SLC45A4: variants seen among roughly 807,000 people sequenced by gnomAD.
The protein encoded by SLC45A4 is solute carrier family 45 member 4.
In SLC45A4, 32 loss-of-function variants were observed where a neutral mutation model predicts 63.7. The observed-to-expected ratio is 0.50, with a 90% confidence interval of 0.38 to 0.67. The LOEUF (loss-of-function observed/expected upper bound fraction) is 0.67. Among genes scored for constraint, SLC45A4 ranks in the 30% least tolerant of loss-of-function variants. The pLI is 0.00. For missense variants in SLC45A4, 1,027 were observed against 1,157.7 expected (o/e 0.89, Z 1.64); for synonymous variants, 535 against 510.0 (o/e 1.05, Z -0.66).
chr8:141,261,063 G>C (rs1829022917), intron 1 of SLC45A4, among the ~76,000 whole-genome samples: 1 of 152,304 alleles, frequency 6.6e-6, no homozygotes, highest in African/African-American at 2.4e-5. Flanking sequence ...ATGCAAGGCT[G>C]GTTCAACACT....
chr8:141,263,821 A>C (rs986851901), intron 1 of SLC45A4, among the ~76,000 whole-genome samples: 4 of 151,880 alleles, frequency 2.6e-5, no homozygotes, highest in Non-Finnish European at 5.9e-5. Context: ...AGAGAAAGAA[A>C]GAAAATAAAT....
intron 1 of SLC45A4, among the ~76,000 whole-genome samples, chr8:141,261,882 T>A (rs1289784733): frequency 6.6e-6 from 1 of 152,204 alleles, no homozygotes; most frequent in Non-Finnish European, 1.5e-5. Flanking sequence ...ACTTTAAAGT[T>A]CATATGGAAC....
chr8:141,285,335 C>G (rs757159990), intron 1 of SLC45A4, among the ~76,000 whole-genome samples: 1 of 152,376 alleles, frequency 6.6e-6, no homozygotes, highest in South Asian at 2.1e-4. Flanking sequence ...TGCGCCATGA[C>G]GGGGCCTCGC....
In SLC45A4 at chr8:141,254,377, G is replaced by A; in HGVS notation, c.-148C>T. ...AACACTTACATTCCTCTTTGCACAA[G>A]TGGCTATCTCACAACTTCTCACAAC... is the stretch of plus-strand genomic sequence containing the variant. On this transcript the variant is annotated 5_prime_UTR_variant, in exon 2 of 9. Coordinates refer to ENST00000517878, the MANE Select transcript of SLC45A4 (RefSeq NM_001286646.2). The surrounding 1 kb of genome is among the most constrained non-coding windows in gnomAD (Gnocchi z 4.5). The A allele has an allele frequency of 1.1e-6, 1 of 943,196 alleles. No homozygotes were observed. 58.4% of individuals were successfully genotyped at this position (943,196 alleles called of 1,614,324 possible).
intron 2 of SLC45A4, among the ~76,000 whole-genome samples, chr8:141,246,086 T>C (rs190420635): frequency 6.6e-6 from 1 of 152,310 alleles, no homozygotes; most frequent in Admixed American, 6.5e-5. Context: ...CAATCTAAGG[T>C]TTCTGCTGCG....
In SLC45A4 at chr8:141,278,020, G is replaced by A. The variant is rs564953170; in HGVS notation, c.-400-23391C>T. Among the ~76,000 whole-genome samples the A allele has an allele frequency of 5.9e-5, 9 of 151,966 alleles. No individual in the cohort carries two copies. Among genetic ancestry groups the A allele is most frequent in the Admixed American group, 1.3e-4 (2 of 15,266 alleles). ...AATTCCTGGGCTCAAGCAATCCTCC[G>A]GCCTCAGCCTCCCAAGCAGCTGGGA... On this transcript the variant is annotated intron_variant, in intron 1 of 8. Transcript: ENST00000517878. The surrounding 1 kb of genome is among the most constrained non-coding windows in gnomAD (Gnocchi z 4.1).
intron 1 of SLC45A4, among the ~76,000 whole-genome samples, chr8:141,268,299 G>C (rs1016466858): frequency 6.6e-6 from 1 of 152,226 alleles, no homozygotes; most frequent in African/African-American, 2.4e-5. Context: ...GCGGTGACCA[G>C]GGCCTGGGGA....
At chr8:141,261,362 G>C (rs545379433) in intron 1 of SLC45A4, among the ~76,000 whole-genome samples, 3,050 of 152,214 alleles carry the variant, frequency 0.02, 99 homozygotes, top group African/African-American at 0.07. Flanking sequence ...AGTGTTGGAA[G>C]TTCTGGCCAG....
rs768831161 is a variant in SLC45A4 at position 141,215,512 on chromosome 8, C to T, written c.1941+247G>A. Among the ~76,000 whole-genome samples the T allele has an allele frequency of 2.0e-5, 3 of 151,950 alleles. No individual in the cohort carries two copies. Among genetic ancestry groups the T allele is most frequent in the Non-Finnish European group, 4.4e-5 (3 of 68,010 alleles). On this transcript the variant is annotated intron_variant, in intron 7 of 8. Coordinates refer to ENST00000517878, the MANE Select transcript of SLC45A4 (RefSeq NM_001286646.2). This position sits in a 1 kb window ranked among gnomAD's most constrained non-coding sequence, Gnocchi z 4.3. The stretch of plus-strand genomic sequence containing the variant: ...AAAGGGGCAGGGACAGTGCTTTTGC[C>T]TCCAGAAGCCTCTGGAGGTGCTAGG...
intron 1 of SLC45A4, among the ~76,000 whole-genome samples, chr8:141,275,601 C>G (rs1829699475): frequency 6.6e-6 from 1 of 150,934 alleles, no homozygotes; most frequent in African/African-American, 2.4e-5. Flanking sequence ...ATAGTGAGAC[C>G]CCTGTCTCAA....
intron 2 of SLC45A4, among the ~76,000 whole-genome samples, chr8:141,236,503 G>A (rs1386676200): frequency 6.6e-6 from 1 of 152,138 alleles, no homozygotes; most frequent in Non-Finnish European, 1.5e-5. Context: ...TTTAAAAAGG[G>A]GGCAAACAAC....
At chr8:141,285,951 G>C (rs889939191) in intron 1 of SLC45A4, among the ~76,000 whole-genome samples, 3 of 152,244 alleles carry the variant, frequency 2.0e-5, no homozygotes, top group African/African-American at 7.2e-5. Flanking sequence ...CTGTTCCTCA[G>C]GAGAACCAGC....
At chr8:141,217,052 T>C (rs777137841) in intron 6 of SLC45A4, 38 bp downstream of exon 6, 1 of 1,596,380 alleles carries the variant, frequency 6.3e-7, no homozygotes, top group Non-Finnish European at 8.6e-7. Context: ...CTGAGTTTTC[T>C]GGGGTGCGAG....
At chr8:141,239,604 G>A (rs202005902) in intron 2 of SLC45A4, among the ~76,000 whole-genome samples, 23 of 140,300 alleles carry the variant, frequency 1.6e-4, no homozygotes, top group African/African-American at 2.4e-4. Flanking sequence ...ACACACGCAC[G>A]CACACACACA....
intron 1 of SLC45A4, among the ~76,000 whole-genome samples, chr8:141,297,588 G>A (rs1484606189): frequency 3.9e-5 from 6 of 152,266 alleles, no homozygotes; most frequent in South Asian, 2.1e-4. Flanking sequence ...CACCAGCCAC[G>A]GGCCCTTATC....
At chr8:141,268,144 T>G (rs1218499704) in intron 1 of SLC45A4, among the ~76,000 whole-genome samples, 1 of 152,246 alleles carries the variant, frequency 6.6e-6, no homozygotes, top group Non-Finnish European at 1.5e-5. Flanking sequence ...AAATGAGCTC[T>G]GACGCCATGC....
intron 5 of SLC45A4, among the ~76,000 whole-genome samples, 197 bp from the exon 6 acceptor site, chr8:141,217,386 C>G (rs937784274): frequency 1.3e-4 from 20 of 152,246 alleles, no homozygotes; most frequent in African/African-American, 4.8e-4. Context: ...CACGAATGTT[C>G]TGTGACGTGA....
rs926748916 is a variant in SLC45A4, at chr8:141,227,723, C to T, written c.242-5958G>A. On this transcript the variant is annotated intron_variant, in intron 2 of 8. Coordinates refer to ENST00000517878, the MANE Select transcript of SLC45A4 (RefSeq NM_001286646.2). This position sits in a 1 kb window ranked among gnomAD's most constrained non-coding sequence, Gnocchi z 4.4. ...GGCCCCACAGCTGCAAGGAATGTTC[C>T]AGAACCACTACAGCCACAGGAAGAT... Among the ~76,000 whole-genome samples the T allele has an allele frequency of 5.3e-5, 8 of 152,184 alleles. 1 individual carries two copies. The highest frequency in any genetic ancestry group is 5.2e-4 in the Admixed American group (8 of 15,274).
At chr8:141,236,967 A>AT (rs1375319236) in intron 2 of SLC45A4, among the ~76,000 whole-genome samples, 1 of 152,132 alleles carries the variant, frequency 6.6e-6, no homozygotes, top group Non-Finnish European at 1.5e-5. Context: ...GTTCAAACAC[A>AT]TTTGTGCTGT....
Sources: gnomAD v4.1 joint callset for allele counts (sites outside exome capture counted in the v4.1 genomes callset) on GRCh38, gnomAD v4.1.1 for gene constraint, Gnocchi (gnomAD v3.1) non-coding constraint, MANE v1.5 for transcripts, NCBI Gene and HGNC (gene_info 2026-07-23, HGNC 2026-07-21) for gene names.